The following EML6 variants were observed in gnomAD, a reference collection of about 807,000 sequenced individuals.
EML6 encodes the protein EMAP like 6.
In EML6, 154 loss-of-function variants were observed where a neutral mutation model predicts 240.1. That is an observed-to-expected ratio of 0.64 (90% CI 0.56 to 0.73). The LOEUF is 0.73. Among genes scored for constraint, EML6 ranks in the 30% least tolerant of loss-of-function variants. EML6 has a pLI of 0.00. For synonymous variants in EML6, 1,148 were observed against 899.0 expected (o/e 1.28, Z -4.95); for missense variants, 2,964 against 2,474.6 (o/e 1.20, Z -4.20).
In EML6 at chr2:54,898,688, C is replaced by T. The variant is rs574481311; in HGVS notation, c.2983-953C>T. The stretch of plus-strand genomic sequence containing the variant: ...AAAGCCACCTGTTCCCCAAAGCATT[C>T]CAGCTACAAACACCTTTCAGATGCC... On this transcript the variant is annotated intron_variant, in intron 21 of 41. Transcript: ENST00000356458. 8.5e-5 allele frequency among the ~76,000 whole-genome samples: 13 copies of T among 152,308 alleles called. No individual in the cohort carries two copies. The South Asian group carries it at 2.5e-3, about 29-fold the overall frequency.
At position 54,860,881 on chromosome 2, in the gene EML6, C is replaced by G. The variant is rs142912934; in HGVS notation, c.1825+1180C>G. Among the ~76,000 whole-genome samples the G allele has an allele frequency of 1.3e-3, 194 of 152,308 alleles. 2 individuals carry two copies. Among genetic ancestry groups the G allele is most frequent in the African/African-American group, 4.4e-3 (182 of 41,552 alleles). ...ACTTTTACAGCTACCTCCCAGAGGA[C>G]TCCATCCTAAACCTCTTTGCTCTGG... On this transcript the variant is annotated intron_variant, in intron 12 of 41. Coordinates refer to ENST00000356458, the MANE Select transcript of EML6 (RefSeq NM_001039753.4).
At chr2:54,945,069 C>A (rs1273781401) in intron 28 of EML6, among the ~76,000 whole-genome samples, 1 of 127,086 alleles carries the variant, frequency 7.9e-6, no homozygotes, top group Non-Finnish European at 1.7e-5. Flanking sequence ...TCTGCCTCCC[C>A]CTTCTCCCAT....
At position 54,755,250 on chromosome 2, in the gene EML6, G is replaced by A. The variant is rs182050389; in HGVS notation, c.197+29992G>A. Among the ~76,000 whole-genome samples the A allele has an allele frequency of 4.6e-5, 7 of 152,208 alleles. No homozygotes were observed. The East Asian group carries it at 1.4e-3, about 29-fold the overall frequency. The stretch of plus-strand genomic sequence containing the variant: ...CATTAGTCTTCATCCTTGCACTGAC[G>A]CCACGCTGTTTTAATTACTGCAGTT... On this transcript the variant is annotated intron_variant, in intron 2 of 41. Coordinates refer to ENST00000356458, the MANE Select transcript of EML6 (RefSeq NM_001039753.4).
intron 22 of EML6, among the ~76,000 whole-genome samples, chr2:54,902,347 A>G (rs1673102385): frequency 6.6e-6 from 1 of 152,172 alleles, no homozygotes; most frequent in South Asian, 2.1e-4. Flanking sequence ...ATGGAAGTTG[A>G]AAATGTATTT....
rs1003347954 is a variant in EML6 at position 54,725,828 on chromosome 2, A to C, written c.197+570A>C. On this transcript the variant is annotated intron_variant, in intron 2 of 41. Coordinates refer to ENST00000356458, the MANE Select transcript of EML6 (RefSeq NM_001039753.4). The surrounding 1 kb of genome is among the most constrained non-coding windows in gnomAD (Gnocchi z 4.3). ...TTTAATGCCCAAAGCATATTTATAC[A>C]CTAAATGGATGCTTCCACAGCATCA... 6.6e-6 allele frequency among the ~76,000 whole-genome samples: 1 copy of C among 152,186 alleles called. No individual in the cohort carries two copies. Among genetic ancestry groups the C allele is most frequent in the African/African-American group, 2.4e-5 (1 of 41,438 alleles).
At chr2:54,899,545 G>A (rs1156283439) in intron 21 of EML6, 96 bp from the exon 22 acceptor site, 8 of 1,225,878 alleles carry the variant, frequency 6.5e-6, no homozygotes, top group Middle Eastern at 5.5e-4. Flanking sequence ...GTGCTTTTTT[G>A]TGGTACTCTT....
At position 54,954,039 on chromosome 2, in the gene EML6, C is replaced by T. The variant is rs1676115055; in HGVS notation, c.4369C>T (p.Leu1457=). ...DAMTKHTLSM[L]RCFHSKGVNY... Reference sequence around the variant, plus strand: ...CATGACCAAACACACCCTCTCCATGCTGCGGTGCTTCCACTCCAAGGGGGT... The same window carrying T: ...CATGACCAAACACACCCTCTCCATGTTGCGGTGCTTCCACTCCAAGGGGGT... The change falls in exon 32 of 42, where the codon CTG becomes TTG. Residue 1457 remains leucine, a synonymous_variant. Transcript: ENST00000356458. 4.5e-6 allele frequency: 7 copies of T among 1,552,078 alleles called. No homozygotes were observed. The highest frequency in any genetic ancestry group is 6.1e-6 in the Non-Finnish European group (7 of 1,147,022).
intron 2 of EML6, among the ~76,000 whole-genome samples, chr2:54,787,471 C>G (rs1669152029): frequency 6.6e-6 from 1 of 152,146 alleles, no homozygotes. Flanking sequence ...TGGGCAAGTT[C>G]CTTAACCTCC....
intron 28 of EML6, among the ~76,000 whole-genome samples, chr2:54,932,449 T>A (rs1194264733): frequency 6.6e-6 from 1 of 152,198 alleles, no homozygotes; most frequent in Admixed American, 6.5e-5. Context: ...GACTTGACGC[T>A]AATTCTGGTC....
intron 26 of EML6, among the ~76,000 whole-genome samples, chr2:54,917,438 G>C (rs1416269391): frequency 2.7e-5 from 4 of 145,614 alleles, no homozygotes; most frequent in Admixed American, 1.4e-4. Context: ...CATCTCGGCT[G>C]ACCGCAACTT....
At chr2:54,854,665 A>G (rs565304750) in intron 11 of EML6, among the ~76,000 whole-genome samples, 2 of 152,338 alleles carry the variant, frequency 1.3e-5, no homozygotes, top group East Asian at 3.9e-4. Flanking sequence ...TCAGAAAGTC[A>G]TTTTCAGCTA....
At chr2:54,764,150 T>G (rs1668088221) in intron 2 of EML6, among the ~76,000 whole-genome samples, 1 of 152,236 alleles carries the variant, frequency 6.6e-6, no homozygotes, top group Non-Finnish European at 1.5e-5. Flanking sequence ...TCCAGTTATT[T>G]TCAATATGCC....
intron 11 of EML6, 61 bp from the exon 12 acceptor site, chr2:54,859,473 G>T (rs1670561734): frequency 1.5e-6 from 2 of 1,353,736 alleles, no homozygotes; most frequent in Admixed American, 2.3e-5. Context: ...AAGGGGGGTT[G>T]TTTTAAACTA....
intron 32 of EML6, among the ~76,000 whole-genome samples, chr2:54,957,431 G>T (rs537322417): frequency 1.3e-5 from 2 of 152,070 alleles, no homozygotes; most frequent in Admixed American, 6.5e-5. Flanking sequence ...TCATCCTGTG[G>T]GGGGACGACT....
chr2:54,890,368 T>C (rs1227920677), intron 17 of EML6, among the ~76,000 whole-genome samples: 1 of 152,196 alleles, frequency 6.6e-6, no homozygotes, highest in African/African-American at 2.4e-5. Flanking sequence ...TATGTCCTAA[T>C]ATATCAAAGA....
At chr2:54,903,011 GATA>G (rs1673140572) in intron 22 of EML6, 30 bp from the exon 23 acceptor site, 2 of 1,544,288 alleles carry the variant, frequency 1.3e-6, no homozygotes, top group Non-Finnish European at 1.7e-6. Context: ...TGAAGTTTTG[GATA>G]ATAAGTGTTT....
intron 13 of EML6, among the ~76,000 whole-genome samples, chr2:54,865,027 G>T (rs1373784408): frequency 1.3e-5 from 2 of 152,152 alleles, no homozygotes; most frequent in Non-Finnish European, 2.9e-5. Context: ...AACCCTGAAC[G>T]TAGTCAATCT....
chr2:54,771,466 G>A (rs545227666), intron 2 of EML6, among the ~76,000 whole-genome samples: 13 of 152,304 alleles, frequency 8.5e-5, no homozygotes, highest in African/African-American at 2.9e-4. Flanking sequence ...GCCTCAACTG[G>A]TCTTCATCAG....
chr2:54,899,628 T>G lies in EML6; in HGVS notation c.2983-13T>G. 2 of 1,551,640 alleles carry G rather than the reference T, an allele frequency of 1.3e-6. No homozygotes were observed. Among genetic ancestry groups the G allele is most frequent in the Admixed American group, 2.0e-5 (1 of 50,970 alleles). On this transcript the variant is annotated splice_polypyrimidine_tract_variant and intron_variant, in intron 21 of 41. Transcript: ENST00000356458. ...TAAGTAGAGTTTATGTTGCCCCTTT[T>G]CCTCTCCCACAGGGGCACATGGAAG...
Sources: allele counts gnomAD v4.1 joint callset (sites outside exome capture counted in the v4.1 genomes callset), GRCh38; gene constraint gnomAD v4.1.1; non-coding constraint Gnocchi (gnomAD v3.1); transcripts MANE v1.5; gene names NCBI Gene and HGNC (gene_info 2026-07-23, HGNC 2026-07-21).